The following OSBPL1A variants were observed in gnomAD, a reference collection of about 807,000 sequenced individuals.
OSBPL1A encodes the protein oxysterol-binding protein-related protein 1.
In OSBPL1A, 80 loss-of-function variants were observed where a neutral mutation model predicts 137.1. The observed-to-expected ratio is 0.58, with a 90% CI of 0.49 to 0.70. The LOEUF (loss-of-function observed/expected upper bound fraction) is 0.70. OSBPL1A is among the 30% of genes least tolerant of loss of function. The pLI, the probability that OSBPL1A is intolerant of heterozygous loss-of-function variation, is 0.00. For synonymous variants in OSBPL1A, 365 were observed against 389.7 expected (o/e 0.94, Z 0.75); for missense variants, 970 against 1,129.4 (o/e 0.86, Z 2.02).
At chr18:24,288,907 G>A (rs1263595550) in intron 14 of OSBPL1A, among the ~76,000 whole-genome samples, 3 of 152,148 alleles carry the variant, frequency 2.0e-5, no homozygotes, top group East Asian at 1.9e-4. Flanking sequence ...TTAAGAGACA[G>A]GACTATCTAT....
intron 15 of OSBPL1A, among the ~76,000 whole-genome samples, chr18:24,246,574 G>A (rs191245095): frequency 2.2e-4 from 34 of 151,872 alleles, no homozygotes; most frequent in Non-Finnish European, 4.3e-4. Flanking sequence ...GCGGATCACC[G>A]GAGGCCAGGA....
intron 15 of OSBPL1A, among the ~76,000 whole-genome samples, chr18:24,255,826 T>G (rs2089257926): frequency 6.6e-6 from 1 of 151,382 alleles, no homozygotes; most frequent in Non-Finnish European, 1.5e-5. Context: ...GTGCGCTCTC[T>G]GCTCACTGCA....
intron 14 of OSBPL1A, among the ~76,000 whole-genome samples, chr18:24,296,048 A>G (rs2090285001): frequency 6.6e-6 from 1 of 151,904 alleles, no homozygotes; most frequent in South Asian, 2.1e-4. Flanking sequence ...AAAAATTGTG[A>G]TGGTATTTTG....
intron 7 of OSBPL1A, among the ~76,000 whole-genome samples, chr18:24,322,632 AG>A (rs1226588394): frequency 3.3e-5 from 5 of 152,188 alleles, no homozygotes; most frequent in African/African-American, 1.2e-4. Flanking sequence ...TTCTACCTAC[AG>A]GGCACTTTGG....
Position 24,366,926 on chromosome 18 carries a change from G to A in OSBPL1A, c.248C>T (p.Thr83Met), listed in dbSNP as rs780220450. 28 of 1,611,714 alleles carry A rather than the reference G, an allele frequency of 1.7e-5. No individual in the cohort carries two copies. The Admixed American group carries it at 3.0e-4, about 17-fold the overall frequency. Reference sequence around the variant, plus strand: ...TGTAAAGGCAGCTCGATGAAGCGGCGTGTCTCCCATGTCATTCAACACATT... The same window carrying A: ...TGTAAAGGCAGCTCGATGAAGCGGCATGTCTCCCATGTCATTCAACACATT... ...EVNVLNDMGD[T>M]PLHRAAFTGR... Residue 83 changes from threonine (T) to methionine (M), a missense_variant, in exon 4 of 28, where the codon ACG (threonine) becomes ATG (methionine). This residue lies in a region of OSBPL1A where 647 missense variants were observed against 672.6 expected (regional missense o/e 0.96). Transcript: ENST00000319481.
chr18:24,253,163 A>AAGG (rs1599567212), intron 15 of OSBPL1A, among the ~76,000 whole-genome samples: 1 of 23,180 alleles, frequency 4.3e-5, no homozygotes, highest in Non-Finnish European at 1.9e-4. Flanking sequence ...ATGAAAAGAC[A>AAGG]TGGCGGGGGG....
chr18:24,190,465 T>C (rs1044357585), intron 18 of OSBPL1A, among the ~76,000 whole-genome samples: 7 of 151,576 alleles, frequency 4.6e-5, no homozygotes, highest in African/African-American at 1.7e-4. Context: ...GAAGTTTAGA[T>C]ACAGTACTGT....
intron 17 of OSBPL1A, among the ~76,000 whole-genome samples, chr18:24,204,395 A>AT (rs892225309): frequency 6.6e-5 from 10 of 151,860 alleles, no homozygotes; most frequent in Admixed American, 1.3e-4. Flanking sequence ...TTTAGTAAGA[A>AT]TTTTTTTTGT....
intron 22 of OSBPL1A, among the ~76,000 whole-genome samples, chr18:24,171,752 T>C (rs554324822): frequency 6.6e-6 from 1 of 152,302 alleles, no homozygotes; most frequent in East Asian, 1.9e-4. Flanking sequence ...CTCTTTCTAG[T>C]AACTCCTATG....
chr18:24,307,059 C>A lies in OSBPL1A; in HGVS notation c.1093-3341G>T, dbSNP rs13380998. Among the ~76,000 whole-genome samples the A allele has an allele frequency of 5.9e-3, 888 of 150,340 alleles. 13 individuals carry two copies. Among genetic ancestry groups the A allele is most frequent in the African/African-American group, 0.02 (833 of 40,774 alleles). On this transcript the variant is annotated intron_variant, in intron 13 of 27. Coordinates refer to ENST00000319481, the MANE Select transcript of OSBPL1A (RefSeq NM_080597.4). Reference sequence around the variant, plus strand: ...ATCATTTGAGCCCAGCATTTCGAGACCTTCCTTGCAACATAATGAGACCTA... The same window carrying A: ...ATCATTTGAGCCCAGCATTTCGAGAACTTCCTTGCAACATAATGAGACCTA...
intron 17 of OSBPL1A, among the ~76,000 whole-genome samples, chr18:24,202,101 T>C (rs761980300): frequency 6.6e-6 from 1 of 152,154 alleles, no homozygotes; most frequent in East Asian, 1.9e-4. Context: ...GACATCCTTA[T>C]ACTTGGCAGG....
At position 24,375,977 on chromosome 18, in the gene OSBPL1A, C is replaced by T. The variant is rs1022741029; in HGVS notation, c.121+1436G>A. Among the ~76,000 whole-genome samples, 4 of 152,068 alleles carry T rather than the reference C, an allele frequency of 2.6e-5. No homozygotes were observed. In the East Asian group the frequency reaches 5.8e-4, roughly 22 times the overall value. On this transcript the variant is annotated intron_variant, in intron 2 of 27. Coordinates refer to ENST00000319481, the MANE Select transcript of OSBPL1A (RefSeq NM_080597.4). ...GTTCCTCCCGGTGGGCTCGTGGTCTCCCTGGCTTCAGGAGTGAAGCTGCAG... is the reference window on the plus strand; with the variant it reads ...GTTCCTCCCGGTGGGCTCGTGGTCTTCCTGGCTTCAGGAGTGAAGCTGCAG...
At chr18:24,256,630 G>C (rs544665823) in intron 15 of OSBPL1A, among the ~76,000 whole-genome samples, 1 of 152,152 alleles carries the variant, frequency 6.6e-6, no homozygotes, top group African/African-American at 2.4e-5. Flanking sequence ...TCAGACAATA[G>C]AAAGAAATAA....
chr18:24,282,242 A>G (rs1413715049), intron 14 of OSBPL1A, among the ~76,000 whole-genome samples: 3 of 152,248 alleles, frequency 2.0e-5, no homozygotes, highest in African/African-American at 7.2e-5. Flanking sequence ...GCTGACAAGA[A>G]GGACTGATAG....
chr18:24,197,277 G>A (rs1399861992), intron 17 of OSBPL1A, among the ~76,000 whole-genome samples: 2 of 152,086 alleles, frequency 1.3e-5, no homozygotes, highest in East Asian at 1.9e-4. Flanking sequence ...AACACGTGAG[G>A]CGGAGGTTGC....
intron 15 of OSBPL1A, among the ~76,000 whole-genome samples, chr18:24,264,065 A>G (rs968349516): frequency 1.3e-5 from 2 of 152,228 alleles, no homozygotes; most frequent in African/African-American, 4.8e-5. Flanking sequence ...GAATGTTGGA[A>G]TCTAGTGATT....
At chr18:24,325,664 C>A (rs1052611647) in intron 7 of OSBPL1A, among the ~76,000 whole-genome samples, 1 of 152,176 alleles carries the variant, frequency 6.6e-6, no homozygotes, top group African/African-American at 2.4e-5. Flanking sequence ...TCTACCTCCT[C>A]CCACCAGAAT....
At chr18:24,272,228 C>T in intron 15 of OSBPL1A, 1 of 983,910 alleles carries the variant, frequency 1.0e-6, no homozygotes, top group Non-Finnish European at 1.2e-6. Context: ...AGACACCGGC[C>T]CTGGCAACTT....
rs936190491 is a variant in OSBPL1A, at chr18:24,181,200, T to C, written c.1757A>G (p.His586Arg). 1.2e-6 allele frequency: 2 copies of C among 1,614,176 alleles called. No individual in the cohort carries two copies. Among genetic ancestry groups the C allele is most frequent in the East Asian group, 2.2e-5 (1 of 44,868 alleles). The change falls in exon 19 of 28, where the codon CAT (histidine) becomes CGT (arginine). Residue 586 changes from histidine to arginine, a missense_variant. Transcript: ENST00000319481. ...FLQRLTEYME[H>R]TYLIHKASSL... is the part of the protein sequence containing the mutation. ...ACTGGCCTTGTGGATGAGGTAAGTA[T>C]GCTCCATGTATTCAGTTAGGCGCTG...
Sources: allele counts gnomAD v4.1 joint callset (sites outside exome capture counted in the v4.1 genomes callset), GRCh38; gene constraint gnomAD v4.1.1; regional missense constraint gnomAD v4.1.1; transcripts MANE v1.5; gene names NCBI Gene and HGNC (gene_info 2026-07-23, HGNC 2026-07-21).